The following CDYL2 variants were observed in gnomAD, a reference collection of about 807,000 sequenced individuals.
CDYL2 encodes the protein chromodomain Y like 2, also known as chromodomain Y-like protein 2.
CDYL2 carries 23 observed loss-of-function variants against 49.4 expected under a neutral mutation model. The observed-to-expected ratio is 0.47, with a 90% CI of 0.34 to 0.66. The LOEUF (loss-of-function observed/expected upper bound fraction) is 0.66, where lower values mean the gene tolerates loss of function less well. Ranked by LOEUF, CDYL2 falls within the 30% of genes least tolerant of loss-of-function variation. CDYL2 has a pLI of 0.01. For synonymous variants in CDYL2, 360 were observed against 268.8 expected, an observed-to-expected ratio of 1.34 and a Z score of -3.32; for missense variants, 678 against 656.4, an observed-to-expected ratio of 1.03 and a Z score of -0.36.
intron 2 of CDYL2, among the ~76,000 whole-genome samples, chr16:80,636,514 C>T (rs143411900): frequency 6.6e-6 from 1 of 152,194 alleles, no homozygotes; most frequent in Admixed American, 6.5e-5. Flanking sequence ...GATGCCATCT[C>T]ACGCCAGTTA....
chr16:80,650,019 A>T (rs899603307), intron 2 of CDYL2, among the ~76,000 whole-genome samples: 1 of 152,218 alleles, frequency 6.6e-6, no homozygotes, highest in Non-Finnish European at 1.5e-5. Flanking sequence ...AACCTACTAC[A>T]AGAAAACATT....
At chr16:80,799,543 A>G (rs1159521823) in intron 1 of CDYL2, among the ~76,000 whole-genome samples, 1 of 152,224 alleles carries the variant, frequency 6.6e-6, no homozygotes, top group African/African-American at 2.4e-5. Flanking sequence ...TGAGAGAAAC[A>G]GAAGGATCCA....
intron 1 of CDYL2, among the ~76,000 whole-genome samples, chr16:80,719,264 G>A (rs925396419): frequency 6.6e-6 from 1 of 152,098 alleles, no homozygotes; most frequent in Non-Finnish European, 1.5e-5. Flanking sequence ...AAGATTCCCA[G>A]GCCCCGGAAG....
At chr16:80,714,937 T>C (rs1350534422) in intron 1 of CDYL2, among the ~76,000 whole-genome samples, 1 of 151,994 alleles carries the variant, frequency 6.6e-6, no homozygotes, top group Non-Finnish European at 1.5e-5. Flanking sequence ...TCCCCCCAAG[T>C]AGGATGTAGT....
chr16:80,804,058 G>T, intron 1 of CDYL2, 92 bp downstream of exon 1: 1 of 859,262 alleles, frequency 1.2e-6, no homozygotes, highest in Admixed American at 6.7e-5. Context: ...GATTGCGCCC[G>T]GCCCCGGCCC....
At chr16:80,774,628 T>C (rs542331113) in intron 1 of CDYL2, among the ~76,000 whole-genome samples, 8 of 152,088 alleles carry the variant, frequency 5.3e-5, no homozygotes, top group Non-Finnish European at 1.2e-4. Context: ...CTGTAATATG[T>C]ATATAGAGAT....
chr16:80,777,910 T>A (rs1430721358), intron 1 of CDYL2, among the ~76,000 whole-genome samples: 1 of 152,008 alleles, frequency 6.6e-6, no homozygotes, highest in Non-Finnish European at 1.5e-5. Flanking sequence ...TACTCAATAC[T>A]AAAATTCTAA....
rs796901558 is a variant in CDYL2 at position 80,769,421 on chromosome 16, T to G, written c.24+34729A>C. 5.9e-5 allele frequency among the ~76,000 whole-genome samples: 9 copies of G among 152,152 alleles called. No individual in the cohort carries two copies. In the South Asian group the frequency reaches 1.9e-3, roughly 32 times the overall value. ...GCATTGTCTCAACTAATTCTCAAAC[T>G]ATAAAAGGTGGGTATCATTATCATC... is the stretch of plus-strand genomic sequence containing the variant. On this transcript the variant is annotated intron_variant, in intron 1 of 6. Transcript: ENST00000570137.
At chr16:80,780,914 A>T (rs942352546) in intron 1 of CDYL2, among the ~76,000 whole-genome samples, 1 of 152,192 alleles carries the variant, frequency 6.6e-6, no homozygotes, top group African/African-American at 2.4e-5. Flanking sequence ...TTAATAAATC[A>T]AGAGGTATTT....
chr16:80,740,605 A>G (rs1469461686), intron 1 of CDYL2, among the ~76,000 whole-genome samples: 1 of 152,362 alleles, frequency 6.6e-6, no homozygotes, highest in East Asian at 1.9e-4. Context: ...ACACAGTCAT[A>G]TATCTTCACA....
At chr16:80,641,379 G>C (rs1342211273) in intron 2 of CDYL2, among the ~76,000 whole-genome samples, 1 of 152,098 alleles carries the variant, frequency 6.6e-6, no homozygotes, top group African/African-American at 2.4e-5. Context: ...CCCTAGTATA[G>C]TATATCTGGT....
intron 2 of CDYL2, among the ~76,000 whole-genome samples, chr16:80,673,589 A>C (rs1006072925): frequency 2.0e-5 from 3 of 152,188 alleles, no homozygotes; most frequent in African/African-American, 7.2e-5. Context: ...TAGACGACAA[A>C]ATTAACATTT....
rs555713557 is a variant in CDYL2 at position 80,627,354 on chromosome 16, G to A, written c.834+5665C>T. Among the ~76,000 whole-genome samples, 5 of 151,658 alleles carry A rather than the reference G, an allele frequency of 3.3e-5. 1 individual carries two copies. Among genetic ancestry groups the A allele is most frequent in the African/African-American group, 1.2e-4 (5 of 41,430 alleles). On this transcript the variant is annotated intron_variant, in intron 3 of 6. Coordinates refer to ENST00000570137, the MANE Select transcript of CDYL2 (RefSeq NM_152342.4). ...TGAAATTCTATAGATGACTCAGAGA[G>A]TAGCTTCTCTGGCTAAGGCCATACT...
At chr16:80,781,534 A>G (rs539045147) in intron 1 of CDYL2, among the ~76,000 whole-genome samples, 2 of 152,322 alleles carry the variant, frequency 1.3e-5, no homozygotes, top group African/African-American at 4.8e-5. Context: ...AACCTATTAG[A>G]CCTAACAGAT....
intron 2 of CDYL2, among the ~76,000 whole-genome samples, chr16:80,646,005 G>A (rs1484668225): frequency 3.8e-5 from 4 of 105,274 alleles, no homozygotes; most frequent in African/African-American, 1.4e-4. Flanking sequence ...GGAGGGGGGA[G>A]GGGGGAGGGA....
intron 2 of CDYL2, among the ~76,000 whole-genome samples, chr16:80,673,043 C>T (rs1909595470): frequency 1.3e-5 from 2 of 152,138 alleles, no homozygotes; most frequent in African/African-American, 4.8e-5. Context: ...GGAGGCCGGG[C>T]GTGGTGGCTC....
At chr16:80,770,738 T>C (rs1201055608) in intron 1 of CDYL2, among the ~76,000 whole-genome samples, 2 of 152,180 alleles carry the variant, frequency 1.3e-5, no homozygotes, top group Non-Finnish European at 2.9e-5. Context: ...ATACAATACT[T>C]TTAAATCTAC....
At chr16:80,743,291 A>T (rs1270151861) in intron 1 of CDYL2, among the ~76,000 whole-genome samples, 2 of 152,196 alleles carry the variant, frequency 1.3e-5, no homozygotes, top group Non-Finnish European at 2.9e-5. Flanking sequence ...ATTGTGAGGG[A>T]GCCCTCAAAC....
chr16:80,621,019 C>A, intron 3 of CDYL2, 84 bp from the exon 4 acceptor site: 1 of 1,410,146 alleles, frequency 7.1e-7, no homozygotes, highest in Non-Finnish European at 9.4e-7. Context: ...AGCCAGAGGC[C>A]TGACCCCCTG....
Sources: gnomAD v4.1 joint callset for allele counts (sites outside exome capture counted in the v4.1 genomes callset) on GRCh38, gnomAD v4.1.1 for gene constraint, MANE v1.5 for transcripts, NCBI Gene and HGNC (gene_info 2026-07-23, HGNC 2026-07-21) for gene names.